Variants in CSMD1 observed in about 807,000 individuals in gnomAD.
The protein encoded by CSMD1 is CUB and Sushi multiple domains 1, also known as CUB and sushi domain-containing protein 1.
CSMD1 carries 213 observed loss-of-function variants against 417.5 expected under a neutral mutation model. The observed-to-expected ratio is 0.51, with a 90% CI of 0.46 to 0.57. The LOEUF (loss-of-function observed/expected upper bound fraction) is 0.57. Ranked by LOEUF, CSMD1 falls within the 20% of genes least tolerant of loss-of-function variation. CSMD1 has a pLI of 0.00. For synonymous variants in CSMD1, 2,862 were observed against 1,736.8 expected, an observed-to-expected ratio of 1.65 and a Z score of -16.11; for missense variants, 6,923 against 4,529.7, an observed-to-expected ratio of 1.53 and a Z score of -15.17.
intron 1 of CSMD1, among the ~76,000 whole-genome samples, chr8:4,817,713 A>C (rs1799287457): frequency 6.6e-6 from 1 of 152,254 alleles, no homozygotes; most frequent in Non-Finnish European, 1.5e-5. Flanking sequence ...TTTAAATTGC[A>C]TAATTTTGTT....
At chr8:4,857,555 G>A (rs769503385) in intron 1 of CSMD1, among the ~76,000 whole-genome samples, 7 of 152,106 alleles carry the variant, frequency 4.6e-5, no homozygotes, top group Non-Finnish European at 1.0e-4. Context: ...GAATCAAATA[G>A]ACGCAGTAAT....
At chr8:4,335,787 C>T (rs1469381637) in intron 3 of CSMD1, among the ~76,000 whole-genome samples, 11 of 152,054 alleles carry the variant, frequency 7.2e-5, no homozygotes, top group South Asian at 6.2e-4. Flanking sequence ...GAACATACCA[C>T]GTTACCTGTG....
At chr8:4,191,623 T>C (rs936487334) in intron 3 of CSMD1, among the ~76,000 whole-genome samples, 36 of 151,354 alleles carry the variant, frequency 2.4e-4, no homozygotes, top group African/African-American at 8.2e-4. Flanking sequence ...GAAAGAAAAC[T>C]ACAAGATACA....
At chr8:3,109,732 C>G (rs1176682805) in intron 43 of CSMD1, among the ~76,000 whole-genome samples, 2 of 151,900 alleles carry the variant, frequency 1.3e-5, no homozygotes, top group Non-Finnish European at 2.9e-5. Context: ...AGAGTGCAGC[C>G]ACACCACACA....
intron 3 of CSMD1, among the ~76,000 whole-genome samples, chr8:4,316,483 G>T (rs1007808362): frequency 6.6e-6 from 1 of 152,080 alleles, no homozygotes; most frequent in Non-Finnish European, 1.5e-5. Context: ...AAACCTCAAC[G>T]ATTTTTGCAC....
At chr8:4,471,741 G>C (rs574302761) in intron 2 of CSMD1, among the ~76,000 whole-genome samples, 1 of 114,242 alleles carries the variant, frequency 8.8e-6, no homozygotes, top group Admixed American at 9.0e-5. Flanking sequence ...GCGGAGAAAA[G>C]AAGTTAGACC....
chr8:3,183,404 AATCT>A (rs973694140), intron 36 of CSMD1, among the ~76,000 whole-genome samples: 1 of 145,468 alleles, frequency 6.9e-6, no homozygotes, highest in South Asian at 2.2e-4. Flanking sequence ...CTGAACGCCT[AATCT>A]ATCTATCCCT....
At chr8:3,957,114 T>C (rs1003877009) in intron 5 of CSMD1, among the ~76,000 whole-genome samples, 1 of 136,576 alleles carries the variant, frequency 7.3e-6, no homozygotes, top group African/African-American at 2.6e-5. Context: ...TTCCTCACGT[T>C]CCTGCTCCTA....
intron 11 of CSMD1, among the ~76,000 whole-genome samples, chr8:3,491,967 C>A (rs1481759884): frequency 1.3e-5 from 2 of 152,168 alleles, no homozygotes; most frequent in African/African-American, 2.4e-5. Flanking sequence ...AGGTCCCGGC[C>A]TCCACCCAAT....
intron 2 of CSMD1, among the ~76,000 whole-genome samples, chr8:4,477,436 C>G (rs1800863999): frequency 6.6e-6 from 1 of 152,342 alleles, no homozygotes; most frequent in South Asian, 2.1e-4. Context: ...GGCTCAGAAA[C>G]TGAGTCTGGT....
intron 3 of CSMD1, among the ~76,000 whole-genome samples, chr8:4,341,656 A>G (rs1309620343): frequency 6.6e-6 from 1 of 152,170 alleles, no homozygotes; most frequent in Non-Finnish European, 1.5e-5. Context: ...TGTGTTCTAA[A>G]AGCATCTTTC....
chr8:3,834,541 C>T (rs1260297968), intron 5 of CSMD1, among the ~76,000 whole-genome samples: 1 of 152,140 alleles, frequency 6.6e-6, no homozygotes, highest in African/African-American at 2.4e-5. Context: ...GCGTCTCTTC[C>T]AAAACTGGCT....
At chr8:4,699,925 G>A (rs935927575) in intron 1 of CSMD1, among the ~76,000 whole-genome samples, 5 of 152,178 alleles carry the variant, frequency 3.3e-5, no homozygotes, top group Admixed American at 3.3e-4. Flanking sequence ...ATCCCTATCT[G>A]GATACACAAG....
intron 11 of CSMD1, among the ~76,000 whole-genome samples, chr8:3,492,890 T>C (rs1585246683): frequency 2.0e-5 from 3 of 152,038 alleles, no homozygotes; most frequent in South Asian, 4.2e-4. Context: ...TGGAAAGGTG[T>C]ATGGCATTAT....
intron 5 of CSMD1, among the ~76,000 whole-genome samples, chr8:3,911,881 C>A (rs1284060216): frequency 1.3e-5 from 2 of 152,198 alleles, no homozygotes; most frequent in African/African-American, 4.8e-5. Context: ...CATCTTCTTA[C>A]CTCCGTTATC....
chr8:4,788,263 G>A (rs1028818126), intron 1 of CSMD1: 50 of 1,589,088 alleles, frequency 3.1e-5, no homozygotes, highest in Non-Finnish European at 4.2e-5. Flanking sequence ...GAGTATGAAA[G>A]GGATGGCATT....
intron 5 of CSMD1, among the ~76,000 whole-genome samples, chr8:3,980,795 A>C (rs1031346793): frequency 3.3e-5 from 5 of 152,172 alleles, no homozygotes; most frequent in Non-Finnish European, 7.3e-5. Context: ...GACTGGGGAT[A>C]CATACCCCTT....
At chr8:4,818,620 G>A (rs949283668) in intron 1 of CSMD1, among the ~76,000 whole-genome samples, 2 of 152,008 alleles carry the variant, frequency 1.3e-5, no homozygotes, top group East Asian at 1.9e-4. Flanking sequence ...ACCCTTGAGG[G>A]AAAGTGCCAG....
At chr8:4,145,064 A>C (rs1804027569) in intron 3 of CSMD1, among the ~76,000 whole-genome samples, 2 of 151,320 alleles carry the variant, frequency 1.3e-5, no homozygotes, top group Middle Eastern at 3.4e-3. Flanking sequence ...ATGTTTCTAA[A>C]ATACAAAGAT....
Sources: gnomAD v4.1 joint callset for allele counts (sites outside exome capture counted in the v4.1 genomes callset) on GRCh38, gnomAD v4.1.1 for gene constraint, MANE v1.5 for transcripts, NCBI Gene and HGNC (gene_info 2026-07-23, HGNC 2026-07-21) for gene names.